Variants in DPP6 observed in about 807,000 individuals in gnomAD.
DPP6 encodes the protein A-type potassium channel modulatory protein DPP6.
In DPP6, 69 loss-of-function variants were observed where a neutral mutation model predicts 122.6. That is an observed-to-expected ratio of 0.56 (90% CI 0.46 to 0.69). The LOEUF is 0.69. DPP6 is among the 30% of genes least tolerant of loss of function. The pLI is 0.00. For missense variants in DPP6, 928 were observed against 1,116.9 expected (o/e 0.83, Z 2.41); for synonymous variants, 418 against 433.1 (o/e 0.97, Z 0.43).
Position 154,892,662 on chromosome 7 carries a change from T to TCACTCAC in DPP6, c.*183_*189dup, listed in dbSNP as rs763902432. ...GAAACAAGCTCCTTCCCCGGGGTCA[T>TCACTCAC]CACTCACGGCCTCCATGGCACCAGG... On this transcript the variant is annotated 3_prime_UTR_variant, in exon 26 of 26. Transcript: ENST00000377770. 7.9e-7 allele frequency: 1 copy of TCACTCAC among 1,268,056 alleles called. No homozygotes were observed. The highest frequency in any genetic ancestry group is 1.5e-5 in the African/African-American group (1 of 67,968). The allele number at this position is 1,268,056 out of a possible 1,614,324, so 78.6% of individuals were successfully genotyped here. A position where few individuals can be genotyped will look rare whatever the true frequency, so the allele number is the denominator to read the frequency against.
At chr7:154,017,921 G>A (rs1563104436) in intron 1 of DPP6, among the ~76,000 whole-genome samples, 2 of 152,016 alleles carry the variant, frequency 1.3e-5, no homozygotes, top group Non-Finnish European at 2.9e-5. Flanking sequence ...GAGTCATAAA[G>A]CATCACATAA....
intron 1 of DPP6, among the ~76,000 whole-genome samples, chr7:154,176,985 C>T (rs148781761): frequency 1.3e-5 from 2 of 152,184 alleles, no homozygotes; most frequent in African/African-American, 2.4e-5. Flanking sequence ...AGGCACACAC[C>T]ACCACACCTG....
chr7:154,675,105 A>T (rs1207789161), intron 7 of DPP6, among the ~76,000 whole-genome samples: 1 of 152,226 alleles, frequency 6.6e-6, no homozygotes, highest in Non-Finnish European at 1.5e-5. Flanking sequence ...ATCCGCATTT[A>T]AATTGTGCTG....
In DPP6 at chr7:154,447,993, C is replaced by T. The variant is rs533585719; in HGVS notation, c.358+1665C>T. Among the ~76,000 whole-genome samples, 456 of 152,220 alleles carry T rather than the reference C, an allele frequency of 3.0e-3. 6 individuals are homozygous for T. The highest frequency in any genetic ancestry group is 5.4e-3 in the Non-Finnish European group (366 of 68,014). ...GAAGAGCAGAAGACTGAAATCAGTC[C>T]GCCTAAGACCAGGAGATGGTAGACA... On this transcript the variant is annotated intron_variant, in intron 2 of 25. Transcript: ENST00000377770.
chr7:154,792,645 A>G (rs1797752411), intron 10 of DPP6, among the ~76,000 whole-genome samples: 2 of 152,204 alleles, frequency 1.3e-5, no homozygotes, highest in Non-Finnish European at 2.9e-5. Flanking sequence ...CATGCAAGCC[A>G]GGTTCTGGGG....
intron 1 of DPP6, among the ~76,000 whole-genome samples, chr7:154,358,548 G>T (rs1811462006): frequency 6.6e-6 from 1 of 152,146 alleles, no homozygotes; most frequent in African/African-American, 2.4e-5. Context: ...AGAGACTGTG[G>T]CAAGCGGATG....
intron 3 of DPP6, among the ~76,000 whole-genome samples, chr7:154,521,968 CTT>C (rs112352021): frequency 6.7e-6 from 1 of 149,678 alleles, no homozygotes; most frequent in African/African-American, 2.5e-5. Context: ...CTTTCTAACT[CTT>C]TTTTTTTTCT....
Position 154,396,981 on chromosome 7 carries a change from A to G in DPP6, c.244-49233A>G, listed in dbSNP as rs1000986413. Among the ~76,000 whole-genome samples, 5 of 152,264 alleles carry G rather than the reference A, an allele frequency of 3.3e-5. No individual in the cohort carries two copies. In the East Asian group the frequency reaches 9.6e-4, roughly 29 times the overall value. ...AAGTACTCTTTTTTTGCAGAGGAAG[A>G]ACATTATAATAAATGATGAAATCTA... On this transcript the variant is annotated intron_variant, in intron 1 of 25. Transcript: ENST00000377770.
In DPP6 at chr7:153,951,635, G is replaced by T. The variant is rs373346493; in HGVS notation, c.51+63901G>T. ...TGCTGTCCAGGAATTTACAGGCGTGGTGAGATTATTTTATTTTATTTTATT... is the reference window on the plus strand; with the variant it reads ...TGCTGTCCAGGAATTTACAGGCGTGTTGAGATTATTTTATTTTATTTTATT... On this transcript the variant is annotated intron_variant, in intron 1 of 25. Transcript: ENST00000404039. 3.1e-4 allele frequency among the ~76,000 whole-genome samples: 47 copies of T among 152,332 alleles called. No homozygotes were observed. In the South Asian group the frequency reaches 9.7e-3, roughly 32 times the overall value.
At chr7:154,665,801 C>A (rs1227708212) in intron 6 of DPP6, among the ~76,000 whole-genome samples, 1 of 152,128 alleles carries the variant, frequency 6.6e-6, no homozygotes, top group East Asian at 1.9e-4. Context: ...ATACAGATAC[C>A]TCTGATTTCA....
At chr7:154,126,211 CAT>C (rs1254531741) in intron 1 of DPP6, among the ~76,000 whole-genome samples, 1 of 152,082 alleles carries the variant, frequency 6.6e-6, no homozygotes, top group Non-Finnish European at 1.5e-5. Flanking sequence ...CATTTATAAT[CAT>C]ATATGTGAAT....
At chr7:153,797,492 A>G in the DPP6 span, among the ~76,000 whole-genome samples, 3 of 152,162 alleles carry the variant, frequency 2.0e-5, no homozygotes, top group Non-Finnish European at 4.4e-5. Context: ...AGTTCATAAT[A>G]TACTGTAGGA....
chr7:154,223,362 C>T lies in DPP6; in HGVS notation c.243+170299C>T, dbSNP rs1467386925. On this transcript the variant is annotated intron_variant, in intron 1 of 25. Coordinates refer to ENST00000377770, the MANE Select transcript of DPP6 (RefSeq NM_130797.4). ...TAAGCATCCATTGAGTGCTAGGCAC[C>T]AGGGATTTGATGATGGGCAAATATA... Among the ~76,000 whole-genome samples the T allele has an allele frequency of 2.0e-5, 3 of 149,210 alleles. No individual in the cohort carries two copies. The South Asian group carries it at 6.3e-4, about 31-fold the overall frequency.
At chr7:154,874,380 C>T (rs1054733315) in intron 19 of DPP6, among the ~76,000 whole-genome samples, 6 of 152,296 alleles carry the variant, frequency 3.9e-5, no homozygotes, top group Middle Eastern at 6.8e-3. Context: ...CGGACGGGAC[C>T]GGCCAGGCAA....
chr7:154,233,016 G>C (rs1210469540), intron 1 of DPP6, among the ~76,000 whole-genome samples: 9 of 152,212 alleles, frequency 5.9e-5, no homozygotes, highest in Admixed American at 3.9e-4. Context: ...GTCATTGCCA[G>C]TTGCTGTGTT....
chr7:154,588,228 G>A, intron 5 of DPP6: 1 of 1,396,236 alleles, frequency 7.2e-7, no homozygotes, highest in East Asian at 2.5e-5. Flanking sequence ...GAGGAGGGAG[G>A]GAGGGACCCT....
intron 1 of DPP6, among the ~76,000 whole-genome samples, chr7:154,442,531 G>A (rs747895052): frequency 1.3e-5 from 2 of 152,068 alleles, no homozygotes; most frequent in African/African-American, 2.4e-5. Context: ...GTTGTAGGGC[G>A]TGTTGAGGAA....
chr7:154,631,955 C>T (rs918599758), intron 5 of DPP6, among the ~76,000 whole-genome samples: 1 of 152,146 alleles, frequency 6.6e-6, no homozygotes, highest in Non-Finnish European at 1.5e-5. Flanking sequence ...GAACAATTTG[C>T]AAATTGGGCA....
chr7:154,065,526 C>A (rs1236637308), intron 1 of DPP6, among the ~76,000 whole-genome samples: 1 of 151,796 alleles, frequency 6.6e-6, no homozygotes, highest in African/African-American at 2.4e-5. Context: ...TTGCTGTCCT[C>A]ACTGGCCGGG....
Sources: allele counts gnomAD v4.1 joint callset (sites outside exome capture counted in the v4.1 genomes callset), GRCh38; gene constraint gnomAD v4.1.1; transcripts MANE v1.5; gene names NCBI Gene and HGNC (gene_info 2026-07-23, HGNC 2026-07-21).